UHMK1: variants seen among roughly 807,000 people sequenced by gnomAD.
UHMK1 encodes the protein serine/threonine-protein kinase Kist.
Under a neutral mutation model 44.0 loss-of-function variants are expected in UHMK1, and 18 were observed. That is an observed-to-expected ratio of 0.41 (90% CI 0.28 to 0.61). The LOEUF is 0.61. UHMK1 is among the 20% of genes least tolerant of loss of function. The probability of loss-of-function intolerance (pLI) is 0.31; values close to 1 mark genes in which losing one functional copy is unlikely to be tolerated. For missense variants in UHMK1, 463 were observed against 522.5 expected (o/e 0.89, Z 1.11); for synonymous variants, 231 against 198.5 (o/e 1.16, Z -1.38).
intron 7 of UHMK1, among the ~76,000 whole-genome samples, chr1:162,518,805 G>A (rs1416878643): frequency 2.0e-5 from 3 of 151,886 alleles, no homozygotes; most frequent in African/African-American, 7.3e-5. Flanking sequence ...TGGCCAACAT[G>A]GTGAACCCTT....
At chr1:162,508,850 A>T (rs919882374) in intron 4 of UHMK1, among the ~76,000 whole-genome samples, 9 of 151,934 alleles carry the variant, frequency 5.9e-5, no homozygotes, top group Admixed American at 3.9e-4. Flanking sequence ...TCTGTGACCC[A>T]GGCTAGAGTG....
At chr1:162,519,189 G>A (rs1297632988) in intron 7 of UHMK1, among the ~76,000 whole-genome samples, 1 of 151,806 alleles carries the variant, frequency 6.6e-6, no homozygotes, top group Non-Finnish European at 1.5e-5. Context: ...GTGGTGGCAG[G>A]TGCCTATAGT....
At chr1:162,515,568 T>C (rs1651805254) in intron 6 of UHMK1, among the ~76,000 whole-genome samples, 1 of 122,126 alleles carries the variant, frequency 8.2e-6, no homozygotes, top group African/African-American at 2.9e-5. Flanking sequence ...AGGTTGTCTG[T>C]CTGAAAGAAA....
At position 162,500,137 on chromosome 1, in the gene UHMK1, C is replaced by G. The variant is rs771235302; in HGVS notation, c.451C>G (p.His151Asp). ...TTTGGAGGCCCTTGCTTTTCTTCAT[C>G]ATGAGGGCTATGTCCATGCGGACCT... ...DVLEALAFLH[H>D]EGYVHADLKP... The change falls in exon 2 of 8, where the codon CAT (histidine) becomes GAT (aspartate). Residue 151 changes from histidine to aspartate, a missense_variant. His to Asp is a moderately conservative substitution (Grantham distance 81, BLOSUM62 -1). This residue lies in a region of UHMK1 where 264 missense variants were observed against 326.3 expected (regional missense o/e 0.81). Transcript: ENST00000489294. 1.2e-6 allele frequency: 2 copies of G among 1,614,050 alleles called. No homozygotes were observed. The highest frequency in any genetic ancestry group is 1.7e-6 in the Non-Finnish European group (2 of 1,180,042).
intron 7 of UHMK1, among the ~76,000 whole-genome samples, chr1:162,522,014 CAGGT>C (rs1652077144): frequency 6.6e-6 from 1 of 152,068 alleles, no homozygotes; most frequent in Admixed American, 6.5e-5. Context: ...GATTATCATC[CAGGT>C]ACCATTGAAA....
At position 162,529,269 on chromosome 1, in the gene UHMK1, A is replaced by C. The variant is rs1443172029; in HGVS notation, c.*6719A>C. ...TTTGTGAGCTTTTGTTTTTTTTTTAAAGAAAAAACAAAAACTAAGTGGGAC... is the reference window on the plus strand; with the variant it reads ...TTTGTGAGCTTTTGTTTTTTTTTTACAGAAAAAACAAAAACTAAGTGGGAC... On this transcript the variant is annotated 3_prime_UTR_variant, in exon 8 of 8. Transcript: ENST00000489294. 1 of 151,970 alleles carries C rather than the reference A, an allele frequency of 6.6e-6. No individual in the cohort carries two copies. Among genetic ancestry groups the C allele is most frequent in the Non-Finnish European group, 1.5e-5 (1 of 67,970 alleles). The allele number at this position is 151,970 out of a possible 1,614,324, so 9.4% of individuals were successfully genotyped here. A position where few individuals can be genotyped will look rare whatever the true frequency, so the allele number is the denominator to read the frequency against.
Position 162,500,102 on chromosome 1 carries a change from C to T in UHMK1, c.416C>T (p.Ala139Val). The change falls in exon 2 of 8, where the codon GCC becomes GTC. Residue 139 changes from alanine to valine, a missense_variant. Physicochemically the swap from Ala to Val is moderately conservative, Grantham distance 64. Coordinates refer to ENST00000489294, the MANE Select transcript of UHMK1 (RefSeq NM_175866.5). ...GCSMWMIQHC[A>V]RDVLEALAFL... ...TCCATGTGGATGATACAGCATTGTG[C>T]CCGAGATGTTTTGGAGGCCCTTGCT... 1 of 1,614,164 alleles carries T rather than the reference C, an allele frequency of 6.2e-7. No homozygotes were observed. The highest frequency in any genetic ancestry group is 8.5e-7 in the Non-Finnish European group (1 of 1,180,044).
intron 4 of UHMK1, among the ~76,000 whole-genome samples, chr1:162,507,016 A>G (rs1651493357): frequency 6.6e-6 from 1 of 152,164 alleles, no homozygotes; most frequent in Non-Finnish European, 1.5e-5. Context: ...CTTAAATTAC[A>G]GTTTTTAAAT....
At chr1:162,500,624 C>T (rs1216605426) in intron 2 of UHMK1, 2 of 421,632 alleles carry the variant, frequency 4.7e-6, no homozygotes, top group South Asian at 4.2e-5. Context: ...ATCCTCTTTT[C>T]TCCATGGTTT....
chr1:162,497,703 T>G, upstream of UHMK1: 1 of 969,156 alleles, frequency 1.0e-6, no homozygotes, highest in Non-Finnish European at 1.4e-6. Context: ...GGTTACTTCT[T>G]ATTCTCGGTT....
In UHMK1 at chr1:162,499,983, C is replaced by T; in HGVS notation, c.297C>T (p.His99=). Residue 99 remains histidine, a synonymous_variant, in exon 2 of 8, where the codon CAC becomes CAT. Transcript: ENST00000489294. ...CTTTGTATGGAGTGTTTACAATCCA[C>T]TTTTCTCCAAATGTGCCATCACGCT... ...IVTLYGVFTI[H]FSPNVPSRCL... The T allele has an allele frequency of 6.2e-7, 1 of 1,614,180 alleles. No homozygotes were observed. The highest frequency in any genetic ancestry group is 2.2e-5 in the East Asian group (1 of 44,884).
rs530862149 is a variant in UHMK1 at position 162,506,247 on chromosome 1, A to G, written c.848+2399A>G. 7.3e-5 allele frequency among the ~76,000 whole-genome samples: 9 copies of G among 123,496 alleles called. 1 individual carries two copies. In the South Asian group the frequency reaches 2.7e-3, roughly 37 times the overall value. The allele number at this position is 123,496 out of a possible 152,430, so 81.0% of individuals were successfully genotyped here. ...AGCCCCCCCCCCCCCACCATTTTAC[A>G]TAGAATACTAAATTTGGAAACTATA... On this transcript the variant is annotated intron_variant, in intron 4 of 7. Coordinates refer to ENST00000489294, the MANE Select transcript of UHMK1 (RefSeq NM_175866.5).
chr1:162,507,970 T>A (rs377408709), intron 4 of UHMK1, among the ~76,000 whole-genome samples: 2 of 152,198 alleles, frequency 1.3e-5, no homozygotes, highest in Non-Finnish European at 2.9e-5. Flanking sequence ...GTATCTCTTA[T>A]AGTGTAATTT....
Position 162,497,881 on chromosome 1 carries a change from C to G in UHMK1, c.-120C>G, listed in dbSNP as rs1409331264. 2.9e-6 allele frequency: 4 copies of G among 1,401,036 alleles called. No homozygotes were observed. The highest frequency in any genetic ancestry group is 3.7e-6 in the Non-Finnish European group (4 of 1,083,530). 86.8% of individuals were successfully genotyped at this position (1,401,036 alleles called of 1,614,324 possible). On this transcript the variant is annotated 5_prime_UTR_variant, in exon 1 of 8. Transcript: ENST00000489294. ...CTTGAAGTCCCGGGAGTCGGTGAGG[C>G]GGCTGCAGGTCCCTCCCTGCGGAGC...
intron 6 of UHMK1, 100 bp from the exon 7 acceptor site, chr1:162,518,002 A>G: frequency 2.8e-6 from 2 of 720,236 alleles, no homozygotes; most frequent in Non-Finnish European, 4.8e-6. Flanking sequence ...CCTCATTACT[A>G]GTTATGTATT....
In UHMK1 at chr1:162,499,864, T is replaced by G. The variant is rs1264650120; in HGVS notation, c.269-91T>G. On this transcript the variant is annotated intron_variant, in intron 1 of 7. Coordinates refer to ENST00000489294, the MANE Select transcript of UHMK1 (RefSeq NM_175866.5). ...CTTGCTCATCAAAGTTATCCTTATC[T>G]AGACTATCTCAAATTTGTACTGCAG... The G allele has an allele frequency of 6.5e-6, 8 of 1,231,496 alleles. No homozygotes were observed. In the Admixed American group the frequency reaches 1.8e-4, roughly 27 times the overall value. The allele number at this position is 1,231,496 out of a possible 1,614,324, so 76.3% of individuals were successfully genotyped here.
chr1:162,519,512 G>GT (rs1269110720), intron 7 of UHMK1, among the ~76,000 whole-genome samples: 27 of 152,096 alleles, frequency 1.8e-4, no homozygotes, highest in Admixed American at 1.8e-3. Context: ...TTGAACCTGA[G>GT]TTCTAGCCTC....
At chr1:162,520,901 TAG>T (rs770609486) in intron 7 of UHMK1, among the ~76,000 whole-genome samples, 1 of 152,196 alleles carries the variant, frequency 6.6e-6, no homozygotes, top group African/African-American at 2.4e-5. Flanking sequence ...AGATACAGAA[TAG>T]AGAGACAGGA....
At chr1:162,501,414 C>T (rs567519417) in intron 3 of UHMK1, among the ~76,000 whole-genome samples, 33 of 152,268 alleles carry the variant, frequency 2.2e-4, no homozygotes, top group African/African-American at 7.2e-4. Context: ...ATGATGCACC[C>T]GCCTGGGCCT....
Sources: allele counts gnomAD v4.1 joint callset (sites outside exome capture counted in the v4.1 genomes callset), GRCh38; gene constraint gnomAD v4.1.1; regional missense constraint gnomAD v4.1.1; transcripts MANE v1.5; gene names NCBI Gene and HGNC (gene_info 2026-07-23, HGNC 2026-07-21).